Variants in FRMD4B observed in about 807,000 individuals in gnomAD.
FRMD4B encodes FERM domain-containing protein 4B.
FRMD4B carries 74 observed loss-of-function variants against 141.5 expected under a neutral mutation model. That is an observed-to-expected ratio of 0.52 (90% CI 0.43 to 0.63). FRMD4B has a LOEUF of 0.63. Ranked by LOEUF, FRMD4B falls within the 30% of genes least tolerant of loss-of-function variation. FRMD4B has a pLI of 0.00. For synonymous variants in FRMD4B, 506 were observed against 467.9 expected (o/e 1.08, Z -1.05); for missense variants, 1,366 against 1,253.4 (o/e 1.09, Z -1.36).
rs142597397 is a variant in FRMD4B, at chr3:69,496,612, TGAGA to T, written c.-129+45590_-129+45593del. On this transcript the variant is annotated intron_variant, in intron 1 of 5. Transcript: ENST00000459638. ...CAGGTGAAAGATGAAAGAGAGAGAGTGAGAGAGAGAGAGAGAGAGAGAGAAAGAG... is the reference window on the plus strand; with the variant it reads ...CAGGTGAAAGATGAAAGAGAGAGAGTGAGAGAGAGAGAGAGAGAGAAAGAG... 1.5e-3 allele frequency among the ~76,000 whole-genome samples: 128 copies of T among 88,194 alleles called. 2 individuals are homozygous for T. The highest frequency in any genetic ancestry group is 7.4e-3 in the Middle Eastern group (1 of 136). 57.9% of individuals were successfully genotyped at this position (88,194 alleles called of 152,430 possible).
intron 5 of FRMD4B, among the ~76,000 whole-genome samples, chr3:69,264,446 G>A (rs939294211): frequency 3.9e-5 from 6 of 152,152 alleles, no homozygotes; most frequent in Non-Finnish European, 7.3e-5. Flanking sequence ...AAAAGGGAAT[G>A]CTTCTTGTGT....
chr3:69,237,939 C>T (rs1465597523), intron 7 of FRMD4B, among the ~76,000 whole-genome samples: 2 of 152,192 alleles, frequency 1.3e-5, no homozygotes, highest in Non-Finnish European at 2.9e-5. Flanking sequence ...ACCATGTTGC[C>T]CAGGTTGGCC....
intron 1 of FRMD4B, among the ~76,000 whole-genome samples, chr3:69,468,855 T>A (rs905011490): frequency 6.6e-6 from 1 of 152,196 alleles, no homozygotes; most frequent in Admixed American, 6.5e-5. Flanking sequence ...TGCTTCATTG[T>A]GTAAATATGT....
At chr3:69,299,797 G>T (rs1235958154) in intron 4 of FRMD4B, among the ~76,000 whole-genome samples, 1 of 152,010 alleles carries the variant, frequency 6.6e-6, no homozygotes, top group Admixed American at 6.6e-5. Context: ...CTTTTTCATT[G>T]TGCATTAACT....
chr3:69,213,949 A>T (rs9830258), intron 11 of FRMD4B, among the ~76,000 whole-genome samples: 2,480 of 151,988 alleles, frequency 0.016, 75 homozygotes, highest in African/African-American at 0.056. Flanking sequence ...AAGCACTGGG[A>T]TTACAGGCAT....
intron 1 of FRMD4B, among the ~76,000 whole-genome samples, chr3:69,438,908 A>T (rs1705300630): frequency 6.6e-6 from 1 of 152,136 alleles, no homozygotes; most frequent in Non-Finnish European, 1.5e-5. Context: ...TGTTTTTCAT[A>T]TTTTTTCACA....
chr3:69,274,745 C>G (rs1230205355), intron 5 of FRMD4B, among the ~76,000 whole-genome samples: 1 of 152,188 alleles, frequency 6.6e-6, no homozygotes, highest in Non-Finnish European at 1.5e-5. Context: ...TCTCGTACTC[C>G]TGGCCTCAAG....
intron 1 of FRMD4B, among the ~76,000 whole-genome samples, chr3:69,318,258 A>G (rs1226093218): frequency 6.6e-6 from 1 of 152,172 alleles, no homozygotes; most frequent in African/African-American, 2.4e-5. Flanking sequence ...TATAGATGTG[A>G]GCGATAGTAC....
intron 1 of FRMD4B, among the ~76,000 whole-genome samples, chr3:69,450,359 T>C (rs1209252334): frequency 6.6e-6 from 1 of 151,962 alleles, no homozygotes; most frequent in Non-Finnish European, 1.5e-5. Context: ...CATCATGGCA[T>C]GGGCCTGTAG....
chr3:69,180,821 C>T (rs1027152663), intron 21 of FRMD4B, 78 bp downstream of exon 21: 1 of 972,372 alleles, frequency 1.0e-6, no homozygotes, highest in Admixed American at 2.2e-5. Flanking sequence ...GTCTCATGAT[C>T]CGTGAGGCGG....
chr3:69,196,956 T>G lies in FRMD4B; in HGVS notation c.1036A>C (p.Ile346Leu). The change falls in exon 13 of 23, where the codon ATT (isoleucine) becomes CTT (leucine). Residue 346 changes from isoleucine (I) to leucine (L), a missense_variant. By Grantham distance (5) the Ile-to-Leu change is conservative (BLOSUM62 2). Transcript: ENST00000398540. ...WYANSSLIKS[I>L]WVMAISQHQF... ...TGCTGACTAATTGCCATTACCCAAA[T>G]GGACTTGATGAGAGAAGAGTTAGCA... The G allele has an allele frequency of 1.2e-6, 2 of 1,610,324 alleles. No individual in the cohort carries two copies. The highest frequency in any genetic ancestry group is 1.1e-5 in the South Asian group (1 of 91,018).
upstream of FRMD4B, among the ~76,000 whole-genome samples, chr3:69,387,945 G>T (rs1355240249): frequency 6.6e-6 from 1 of 151,912 alleles, no homozygotes; most frequent in Non-Finnish European, 1.5e-5. Flanking sequence ...CAAGATGATG[G>T]TAACGATGAA....
intron 11 of FRMD4B, among the ~76,000 whole-genome samples, chr3:69,205,638 G>A (rs2093017397): frequency 6.6e-6 from 1 of 152,124 alleles, no homozygotes; most frequent in Non-Finnish European, 1.5e-5. Flanking sequence ...ACACTGGAGG[G>A]GAGGATGCTA....
In FRMD4B at chr3:69,168,916, A is replaced by G. The variant is rs545843863; in HGVS notation, c.*2945T>C. On this transcript the variant is annotated 3_prime_UTR_variant, in exon 23 of 23. Transcript: ENST00000398540. ...TAGGGTGAGGCAATTTTAAAAATCC[A>G]CCTTGTTAAACATATATCTTTATGA... Among the ~76,000 whole-genome samples, 1 of 152,302 alleles carries G rather than the reference A, an allele frequency of 6.6e-6. No individual in the cohort carries two copies. The highest frequency in any genetic ancestry group is 6.5e-5 in the Admixed American group (1 of 15,300).
At chr3:69,359,679 G>A (rs779271203) in intron 1 of FRMD4B, among the ~76,000 whole-genome samples, 15 of 152,194 alleles carry the variant, frequency 9.9e-5, no homozygotes, top group Middle Eastern at 3.2e-3. Context: ...GAGATGAAAA[G>A]AGGTAGGGAG....
chr3:69,350,189 A>G (rs904961942), intron 1 of FRMD4B, among the ~76,000 whole-genome samples: 23 of 152,236 alleles, frequency 1.5e-4, no homozygotes, highest in African/African-American at 5.3e-4. Context: ...TTCTCAAAAG[A>G]AGACATTTAT....
At chr3:69,298,341 A>G (rs1701100507) in intron 4 of FRMD4B, among the ~76,000 whole-genome samples, 1 of 152,222 alleles carries the variant, frequency 6.6e-6, no homozygotes, top group African/African-American at 2.4e-5. Context: ...GTGAATGTGT[A>G]GTGAGTGAGA....
At chr3:69,284,252 C>T in intron 5 of FRMD4B, among the ~76,000 whole-genome samples, 1 of 152,068 alleles carries the variant, frequency 6.6e-6, no homozygotes, top group Non-Finnish European at 1.5e-5. Context: ...AGAGAGAACC[C>T]CTGAAAATCT....
intron 5 of FRMD4B, among the ~76,000 whole-genome samples, chr3:69,262,055 C>T (rs532433963): frequency 6.6e-6 from 1 of 152,054 alleles, no homozygotes; most frequent in African/African-American, 2.4e-5. Flanking sequence ...CAACCACTGC[C>T]TCCCAGGTGC....
Sources: gnomAD v4.1 joint callset for allele counts (sites outside exome capture counted in the v4.1 genomes callset) on GRCh38, gnomAD v4.1.1 for gene constraint, MANE v1.5 for transcripts, NCBI Gene and HGNC (gene_info 2026-07-23, HGNC 2026-07-21) for gene names.